Variants in ITPR2 observed in about 807,000 individuals in gnomAD.
ITPR2 encodes inositol 1,4,5-trisphosphate-gated calcium channel ITPR2.
ITPR2 carries 207 observed loss-of-function variants against 317.1 expected under a neutral mutation model. The ratio of observed to expected loss-of-function variants is 0.65; its 90% CI spans 0.58 to 0.73. ITPR2 has a LOEUF of 0.73. ITPR2 is among the 30% of genes least tolerant of loss of function. The pLI, the probability that ITPR2 is intolerant of heterozygous loss-of-function variation, is 0.00. For synonymous variants in ITPR2, 1,156 were observed against 1,149.1 expected, an observed-to-expected ratio of 1.01 and a Z score of -0.12; for missense variants, 2,613 against 3,284.0, an observed-to-expected ratio of 0.80 and a Z score of 4.99.
At chr12:26,550,164 T>G in intron 37 of ITPR2, 83 bp downstream of exon 37, 1 of 599,620 alleles carries the variant, frequency 1.7e-6, no homozygotes, top group Non-Finnish European at 2.9e-6. Context: ...AGTAATCACG[T>G]AATAGCCTAT....
intron 41 of ITPR2, among the ~76,000 whole-genome samples, 186 bp downstream of exon 41, chr12:26,485,918 A>T (rs549904737): frequency 2.0e-5 from 3 of 152,174 alleles, no homozygotes; most frequent in Non-Finnish European, 4.4e-5. Context: ...TTTCTTGCAT[A>T]AAAGGATTTT....
At chr12:26,674,391 G>A (rs1258709015) in intron 13 of ITPR2, among the ~76,000 whole-genome samples, 8 of 152,036 alleles carry the variant, frequency 5.3e-5, no homozygotes, top group Non-Finnish European at 8.8e-5. Flanking sequence ...AAATAACACC[G>A]CATATCTACA....
intron 2 of ITPR2, among the ~76,000 whole-genome samples, chr12:26,763,259 A>T (rs142832449): frequency 7.0e-4 from 106 of 152,208 alleles, no homozygotes; most frequent in African/African-American, 2.5e-3. Flanking sequence ...TTCTTTGCCA[A>T]TTATAGTTTA....
chr12:26,594,230 T>C (rs190581465), intron 32 of ITPR2, among the ~76,000 whole-genome samples: 31 of 152,204 alleles, frequency 2.0e-4, no homozygotes, highest in East Asian at 1.4e-3. Context: ...AAACAGGAAC[T>C]ACCTCACTCA....
chr12:26,435,639 T>G (rs1030573792), intron 48 of ITPR2, among the ~76,000 whole-genome samples: 2 of 152,226 alleles, frequency 1.3e-5, no homozygotes, highest in African/African-American at 4.8e-5. Context: ...ATTTCTCATT[T>G]TTGCTTTTGT....
chr12:26,477,356 A>AG (rs1420434277), intron 43 of ITPR2, among the ~76,000 whole-genome samples: 1 of 152,094 alleles, frequency 6.6e-6, no homozygotes, highest in African/African-American at 2.4e-5. Context: ...TTAATAAAAA[A>AG]AAAGGTGAAC....
At position 26,399,056 on chromosome 12, in the gene ITPR2, T is replaced by C. The variant is rs748599300; in HGVS notation, c.7531-15A>G. On this transcript the variant is annotated splice_polypyrimidine_tract_variant and intron_variant, in intron 53 of 56. Coordinates refer to ENST00000381340, the MANE Select transcript of ITPR2 (RefSeq NM_002223.4). ...AACAAGGGCTCCTGAAATAAAAATA[T>C]TTAAAAAAATCACACTAGGCATAGT... 2 of 1,551,294 alleles carry C rather than the reference T, an allele frequency of 1.3e-6. No homozygotes were observed. The highest frequency in any genetic ancestry group is 2.8e-5 in the African/African-American group (2 of 71,570).
At chr12:26,471,314 C>A (rs1942286656) in intron 45 of ITPR2, among the ~76,000 whole-genome samples, 1 of 152,112 alleles carries the variant, frequency 6.6e-6, no homozygotes, top group Non-Finnish European at 1.5e-5. Flanking sequence ...ACACAAAGTA[C>A]TGAACAGTGC....
chr12:26,412,798 C>T (rs572896291), intron 51 of ITPR2, among the ~76,000 whole-genome samples: 1 of 152,056 alleles, frequency 6.6e-6, no homozygotes, highest in East Asian at 1.9e-4. Flanking sequence ...TGACAAAAGG[C>T]GCAGAGGCCA....
At chr12:26,357,694 T>C (rs1280439048) in intron 55 of ITPR2, among the ~76,000 whole-genome samples, 1 of 152,222 alleles carries the variant, frequency 6.6e-6, no homozygotes, top group Non-Finnish European at 1.5e-5. Flanking sequence ...GCTTTCTAAC[T>C]TGTGCGGTCT....
At chr12:26,445,147 A>C (rs1941578044) in intron 45 of ITPR2, among the ~76,000 whole-genome samples, 1 of 152,194 alleles carries the variant, frequency 6.6e-6, no homozygotes, top group African/African-American at 2.4e-5. Context: ...CATGAAAGAA[A>C]GAGAATTAAG....
chr12:26,679,011 CAAAG>C (rs1429641817), intron 13 of ITPR2, among the ~76,000 whole-genome samples: 3 of 152,148 alleles, frequency 2.0e-5, no homozygotes, highest in Non-Finnish European at 4.4e-5. Flanking sequence ...GTGTTAGAAA[CAAAG>C]AAATAGATTC....
intron 23 of ITPR2, among the ~76,000 whole-genome samples, chr12:26,624,710 C>A (rs1019057188): frequency 6.6e-6 from 1 of 151,590 alleles, no homozygotes; most frequent in East Asian, 1.9e-4. Flanking sequence ...ACAAGGGAAC[C>A]CTCATACACT....
At chr12:26,574,228 A>C (rs981193793) in intron 34 of ITPR2, among the ~76,000 whole-genome samples, 1 of 152,144 alleles carries the variant, frequency 6.6e-6, no homozygotes, top group African/African-American at 2.4e-5. Flanking sequence ...AAAAAAAAAA[A>C]AACAGCCTAT....
At chr12:26,368,779 A>G (rs773076089) in intron 55 of ITPR2, among the ~76,000 whole-genome samples, 1 of 152,242 alleles carries the variant, frequency 6.6e-6, no homozygotes, top group Admixed American at 6.5e-5. Flanking sequence ...CCACTGCTCT[A>G]AGTCCCGATA....
intron 2 of ITPR2, among the ~76,000 whole-genome samples, chr12:26,759,487 T>A (rs1299017122): frequency 6.6e-6 from 1 of 152,248 alleles, no homozygotes; most frequent in Admixed American, 6.5e-5. Context: ...TGAGGTGTCA[T>A]CCTGTTGTAA....
intron 37 of ITPR2, among the ~76,000 whole-genome samples, chr12:26,515,752 C>A (rs1203906383): frequency 6.6e-6 from 1 of 151,860 alleles, no homozygotes; most frequent in African/African-American, 2.4e-5. Flanking sequence ...CCAAGAAACA[C>A]CAAAGCCGCA....
At chr12:26,475,528 G>C in intron 44 of ITPR2, 110 bp from the exon 45 acceptor site, 1 of 1,158,292 alleles carries the variant, frequency 8.6e-7, no homozygotes, top group South Asian at 1.6e-5. Flanking sequence ...AAGTATAAAA[G>C]GACTCTAAAT....
At chr12:26,587,636 G>C (rs563195584) in intron 32 of ITPR2, among the ~76,000 whole-genome samples, 3 of 151,858 alleles carry the variant, frequency 2.0e-5, no homozygotes, top group East Asian at 3.9e-4. Context: ...GTCACACAGG[G>C]GTTTTATTCT....
Sources: allele counts gnomAD v4.1 joint callset (sites outside exome capture counted in the v4.1 genomes callset), GRCh38; gene constraint gnomAD v4.1.1; transcripts MANE v1.5; gene names NCBI Gene and HGNC (gene_info 2026-07-23, HGNC 2026-07-21).